Variants in CCDC191 observed in about 807,000 individuals in gnomAD.
CCDC191 encodes the protein coiled-coil domain-containing protein 191.
Under a neutral mutation model 114.0 loss-of-function variants are expected in CCDC191, and 99 were observed. The ratio of observed to expected loss-of-function variants is 0.87; its 90% CI spans 0.74 to 1.03. The LOEUF is 1.03. CCDC191 is among the 50% of genes least tolerant of loss of function. CCDC191 has a pLI of 0.00. For synonymous variants in CCDC191, 351 were observed against 376.0 expected, an observed-to-expected ratio of 0.93 and a Z score of 0.77; for missense variants, 973 against 1,087.0, an observed-to-expected ratio of 0.90 and a Z score of 1.47.
chr3:114,027,124 G>T (rs544449640), intron 7 of CCDC191, among the ~76,000 whole-genome samples: 2 of 152,318 alleles, frequency 1.3e-5, no homozygotes, highest in African/African-American at 4.8e-5. Context: ...GAGAAAATGG[G>T]ATAGGCTGGA....
At chr3:113,976,485 C>T (rs1478195208) in intron 16 of CCDC191, among the ~76,000 whole-genome samples, 1 of 151,980 alleles carries the variant, frequency 6.6e-6, no homozygotes, top group Non-Finnish European at 1.5e-5. Flanking sequence ...ATGACATCTC[C>T]CCACATCCAA....
At chr3:114,023,801 G>T (rs1577436465) in intron 7 of CCDC191, among the ~76,000 whole-genome samples, 1 of 151,948 alleles carries the variant, frequency 6.6e-6, no homozygotes, top group African/African-American at 2.4e-5. Flanking sequence ...CATGGGCAAG[G>T]ACTTCATGTC....
intron 4 of CCDC191, among the ~76,000 whole-genome samples, chr3:114,040,477 A>T (rs1177025386): frequency 6.6e-6 from 1 of 152,080 alleles, no homozygotes; most frequent in Non-Finnish European, 1.5e-5. Flanking sequence ...TGACTCTTTT[A>T]TCGTTAGAAA....
At chr3:113,984,850 A>G (rs978142898) in intron 13 of CCDC191, among the ~76,000 whole-genome samples, 1 of 152,242 alleles carries the variant, frequency 6.6e-6, no homozygotes, top group Non-Finnish European at 1.5e-5. Flanking sequence ...CTTGTTCTGC[A>G]TAAGTTTTCT....
chr3:114,001,190 A>G (rs2075848814), intron 13 of CCDC191, among the ~76,000 whole-genome samples: 1 of 152,232 alleles, frequency 6.6e-6, no homozygotes, highest in African/African-American at 2.4e-5. Flanking sequence ...GGGTGCCAAT[A>G]CAATAGTGAA....
intron 7 of CCDC191, among the ~76,000 whole-genome samples, chr3:114,030,530 A>C (rs1396828730): frequency 6.6e-6 from 1 of 152,166 alleles, no homozygotes; most frequent in African/African-American, 2.4e-5. Context: ...GTTAACTGCA[A>C]GTCTTACATT....
At chr3:114,034,562 G>A (rs140712542) in intron 6 of CCDC191, among the ~76,000 whole-genome samples, 4 of 152,224 alleles carry the variant, frequency 2.6e-5, no homozygotes, top group African/African-American at 9.6e-5. Flanking sequence ...ATCTTATAAT[G>A]GTGAAAAATC....
chr3:113,990,991 A>C (rs2075539819), intron 13 of CCDC191, among the ~76,000 whole-genome samples: 1 of 150,412 alleles, frequency 6.6e-6, no homozygotes, highest in Admixed American at 6.7e-5. Context: ...TAATCCCAGC[A>C]CTTTGGGAGA....
rs574419041 is a variant in CCDC191 at position 114,014,269 on chromosome 3, A to G, written c.1164-3248T>C. ...CCCAGGGACAAAATGGAAGATAAAAACTGTTTTAAAAAGTTTTAAAGTTTT... is the reference window on the plus strand; with the variant it reads ...CCCAGGGACAAAATGGAAGATAAAAGCTGTTTTAAAAAGTTTTAAAGTTTT... On this transcript the variant is annotated intron_variant, in intron 8 of 16. Coordinates refer to ENST00000295878, the MANE Select transcript of CCDC191 (RefSeq NM_020817.2). 2.6e-5 allele frequency among the ~76,000 whole-genome samples: 4 copies of G among 152,286 alleles called. No homozygotes were observed. In the South Asian group the frequency reaches 8.3e-4, roughly 32 times the overall value.
rs187038982 is a variant in CCDC191, at chr3:113,969,748, T to C, written c.2607-4389A>G. On this transcript the variant is annotated intron_variant, in intron 16 of 16. Coordinates refer to ENST00000295878, the MANE Select transcript of CCDC191 (RefSeq NM_020817.2). ...CAGTACCAAGCTGTTTTGGTTACTA[T>C]AGCTTTGTAGTAAATTTTGAAGTCA... 6.8e-3 allele frequency among the ~76,000 whole-genome samples: 1,030 copies of C among 152,354 alleles called. 10 individuals carry two copies. The highest frequency in any genetic ancestry group is 0.011 in the Non-Finnish European group (729 of 68,030).
At chr3:113,977,603 CAT>C (rs1206181863) in intron 16 of CCDC191, among the ~76,000 whole-genome samples, 1 of 152,076 alleles carries the variant, frequency 6.6e-6, no homozygotes, top group Non-Finnish European at 1.5e-5. Flanking sequence ...AAAACTATAG[CAT>C]TGAAGGCTGC....
chr3:113,972,661 G>A (rs1238988461), intron 16 of CCDC191, among the ~76,000 whole-genome samples: 1 of 152,180 alleles, frequency 6.6e-6, no homozygotes, highest in Non-Finnish European at 1.5e-5. Flanking sequence ...ACTACTGAGA[G>A]TGGCGTGTTG....
intron 13 of CCDC191, among the ~76,000 whole-genome samples, chr3:113,988,626 C>CAAA (rs887679387): frequency 7.1e-4 from 31 of 43,574 alleles, no homozygotes; most frequent in African/African-American, 9.0e-4. Context: ...GACTCCATCT[C>CAAA]AAAAAAAAAA....
chr3:113,981,022 G>C (rs752597670), intron 13 of CCDC191, among the ~76,000 whole-genome samples: 2 of 152,090 alleles, frequency 1.3e-5, no homozygotes, highest in African/African-American at 2.4e-5. Flanking sequence ...ATGCATATTC[G>C]TGGATTTATT....
chr3:114,015,224 G>A (rs1370562126), intron 8 of CCDC191, among the ~76,000 whole-genome samples: 1 of 152,090 alleles, frequency 6.6e-6, no homozygotes, highest in Non-Finnish European at 1.5e-5. Context: ...CGAAGGGCTT[G>A]AGGGACAAAG....
chr3:113,980,137 T>G (rs1429450699), intron 14 of CCDC191, among the ~76,000 whole-genome samples: 1 of 152,226 alleles, frequency 6.6e-6, no homozygotes, highest in Non-Finnish European at 1.5e-5. Context: ...ATAATTTGGT[T>G]TGGCCTTTTG....
chr3:114,015,503 T>C (rs894203820), intron 8 of CCDC191, among the ~76,000 whole-genome samples: 2 of 152,198 alleles, frequency 1.3e-5, no homozygotes, highest in East Asian at 3.8e-4. Flanking sequence ...GGTGCAGATG[T>C]TGAAAACAAA....
At position 114,035,088 on chromosome 3, in the gene CCDC191, G is replaced by A. The variant is rs2076463839; in HGVS notation, c.655C>T (p.Leu219=). 6.2e-7 allele frequency: 1 copy of A among 1,613,996 alleles called. No individual in the cohort carries two copies. The highest frequency in any genetic ancestry group is 1.1e-5 in the South Asian group (1 of 91,076). The change falls in exon 6 of 17, where the codon CTG becomes TTG. Residue 219 remains leucine, a synonymous_variant. Transcript: ENST00000295878. ...ELEYQRIEKT[L]KKSAFLEAQC... The stretch of plus-strand genomic sequence containing the variant: ...GCCTCCAAGAAGGCCGATTTTTTCA[G>A]GGTCTTTTCTATTCTCTGGTACTCC...
At chr3:114,038,944 G>T (rs1029228299) in intron 4 of CCDC191, among the ~76,000 whole-genome samples, 3 of 152,078 alleles carry the variant, frequency 2.0e-5, no homozygotes, top group Admixed American at 6.5e-5. Flanking sequence ...CCTAGGTGAT[G>T]GGTTGATCTG....
Sources: allele counts gnomAD v4.1 joint callset (sites outside exome capture counted in the v4.1 genomes callset), GRCh38; gene constraint gnomAD v4.1.1; transcripts MANE v1.5; gene names NCBI Gene and HGNC (gene_info 2026-07-23, HGNC 2026-07-21).